Variants in XRCC5 observed in about 807,000 individuals in gnomAD.
The protein encoded by XRCC5 is X-ray repair cross complementing 5.
In XRCC5, 12 loss-of-function variants were observed where a neutral mutation model predicts 95.7. That is an observed-to-expected ratio of 0.13 (90% CI 0.08 to 0.20). The LOEUF (loss-of-function observed/expected upper bound fraction) is 0.20. Ranked by LOEUF, XRCC5 falls within the 10% of genes least tolerant of loss-of-function variation. The pLI is 1.00. For synonymous variants in XRCC5, 281 were observed against 290.3 expected (o/e 0.97, Z 0.33); for missense variants, 595 against 873.9 (o/e 0.68, Z 4.02).
chr2:216,123,792 C>T (rs960207103), intron 6 of XRCC5, among the ~76,000 whole-genome samples: 1 of 152,174 alleles, frequency 6.6e-6, no homozygotes, highest in East Asian at 1.9e-4. Context: ...GGTGACAGAG[C>T]GAGACTCCGT....
intron 17 of XRCC5, 111 bp from the exon 18 acceptor site, chr2:216,192,526 ATT>A (rs1317812297): frequency 1.7e-6 from 1 of 582,180 alleles, no homozygotes; most frequent in Admixed American, 3.9e-5. Flanking sequence ...AGAACATTTT[ATT>A]TTTTTGTAAT....
chr2:216,121,915 G>C, intron 5 of XRCC5, 147 bp from the exon 6 acceptor site: 1 of 680,280 alleles, frequency 1.5e-6, no homozygotes, highest in Non-Finnish European at 2.3e-6. Context: ...TTGAAACTGG[G>C]AGAATATTGG....
intron 6 of XRCC5, among the ~76,000 whole-genome samples, chr2:216,124,745 A>G (rs571167429): frequency 6.6e-6 from 1 of 152,336 alleles, no homozygotes; most frequent in Non-Finnish European, 1.5e-5. Context: ...TTTTATCTGT[A>G]CCAAGGAGTT....
At chr2:216,116,512 A>G in intron 2 of XRCC5, 147 bp from the exon 3 acceptor site, 1 of 786,806 alleles carries the variant, frequency 1.3e-6, no homozygotes. Flanking sequence ...ATTGTCTGTA[A>G]GTCTCATGTT....
intron 19 of XRCC5, among the ~76,000 whole-genome samples, chr2:216,196,151 G>A (rs891406082): frequency 5.9e-5 from 9 of 151,366 alleles, no homozygotes; most frequent in African/African-American, 2.2e-4. Context: ...CAGAAACCAT[G>A]TTTGGAAAAG....
At chr2:216,114,488 G>A (rs1696647235) in intron 2 of XRCC5, among the ~76,000 whole-genome samples, 1 of 152,076 alleles carries the variant, frequency 6.6e-6, no homozygotes. Context: ...GTTAGAGAAG[G>A]TAAGTAGACA....
At chr2:216,161,924 G>C in intron 15 of XRCC5, 55 bp from the exon 16 acceptor site, 2 of 1,470,776 alleles carry the variant, frequency 1.4e-6, no homozygotes, top group East Asian at 2.3e-5. Context: ...ATTGCCTGGG[G>C]TGCTGCTAAA....
intron 16 of XRCC5, among the ~76,000 whole-genome samples, chr2:216,176,680 T>A (rs1319971714): frequency 1.3e-5 from 2 of 152,166 alleles, no homozygotes; most frequent in Non-Finnish European, 2.9e-5. Context: ...GTTTTATTGA[T>A]TTTCTCCATT....
At chr2:216,146,911 A>G (rs1461758345) in intron 13 of XRCC5, among the ~76,000 whole-genome samples, 1 of 152,216 alleles carries the variant, frequency 6.6e-6, no homozygotes, top group Non-Finnish European at 1.5e-5. Flanking sequence ...ATTATGTGCC[A>G]GGTAGTATTT....
At chr2:216,168,277 A>G (rs867090197) in intron 16 of XRCC5, among the ~76,000 whole-genome samples, 35 of 152,332 alleles carry the variant, frequency 2.3e-4, no homozygotes, top group East Asian at 1.9e-4. Flanking sequence ...CAGAGAGCCA[A>G]TTCTTGGCCT....
chr2:216,133,547 C>G (rs931427908), intron 10 of XRCC5, among the ~76,000 whole-genome samples: 2 of 152,176 alleles, frequency 1.3e-5, no homozygotes, highest in African/African-American at 2.4e-5. Context: ...ATGAGACTTG[C>G]TGGGTATGCA....
At position 216,205,270 on chromosome 2, in the gene XRCC5, G is replaced by C; in HGVS notation, c.*68G>C. The stretch of plus-strand genomic sequence containing the variant: ...GATGCTGGGAGTTCTAACAAAACAA[G>C]TTGGATGCGGCCATTCAAGGGGAGC... On this transcript the variant is annotated 3_prime_UTR_variant, in exon 21 of 21. Coordinates refer to ENST00000392132, the MANE Select transcript of XRCC5 (RefSeq NM_021141.4). 1 of 1,606,626 alleles carries C rather than the reference G, an allele frequency of 6.2e-7. No homozygotes were observed. Among genetic ancestry groups the C allele is most frequent in the Non-Finnish European group, 8.5e-7 (1 of 1,173,382 alleles).
At chr2:216,156,227 G>T in intron 14 of XRCC5, 1 of 464,010 alleles carries the variant, frequency 2.2e-6, no homozygotes, top group Non-Finnish European at 4.1e-6. Context: ...GATTCGTTGA[G>T]GCCATAGGTT....
At chr2:216,149,115 C>A (rs1286702004) in intron 14 of XRCC5, among the ~76,000 whole-genome samples, 3 of 152,086 alleles carry the variant, frequency 2.0e-5, no homozygotes, top group Non-Finnish European at 4.4e-5. Context: ...CTCTCCACAA[C>A]TATCTTTATT....
chr2:216,123,400 C>A (rs1346306923), intron 6 of XRCC5, among the ~76,000 whole-genome samples: 1 of 152,172 alleles, frequency 6.6e-6, no homozygotes, highest in Non-Finnish European at 1.5e-5. Flanking sequence ...GGTGAAGTTT[C>A]TTGGCGTAAT....
intron 16 of XRCC5, among the ~76,000 whole-genome samples, chr2:216,173,770 G>A (rs1321030996): frequency 2.0e-5 from 3 of 152,322 alleles, no homozygotes; most frequent in South Asian, 4.1e-4. Context: ...TAAAAAGGAT[G>A]AGTTCGGCCT....
chr2:216,155,352 A>G (rs1221566460), intron 14 of XRCC5, among the ~76,000 whole-genome samples: 2 of 152,200 alleles, frequency 1.3e-5, no homozygotes, highest in East Asian at 3.8e-4. Flanking sequence ...AGATTATAAA[A>G]AAGCAAATCA....
chr2:216,118,938 C>G lies in XRCC5; in HGVS notation c.369-105C>G, dbSNP rs936719998. The G allele has an allele frequency of 3.3e-6, 4 of 1,207,340 alleles. No homozygotes were observed. The Admixed American group carries it at 6.0e-5, about 18-fold the overall frequency. The allele number at this position is 1,207,340 out of a possible 1,614,324, so 74.8% of individuals were successfully genotyped here. A position where few individuals can be genotyped will look rare whatever the true frequency, so the allele number is the denominator to read the frequency against. ...TAGAATGTAATCACATTTATTAACT[C>G]TAGATCCATTTCTAAGCTTCTCTCC... On this transcript the variant is annotated intron_variant, in intron 4 of 20. Coordinates refer to ENST00000392132, the MANE Select transcript of XRCC5 (RefSeq NM_021141.4).
chr2:216,198,550 T>C (rs1312607116), intron 19 of XRCC5, among the ~76,000 whole-genome samples: 1 of 120,688 alleles, frequency 8.3e-6, no homozygotes, highest in Non-Finnish European at 1.9e-5. Flanking sequence ...TATTTATTTA[T>C]TTATTTATTT....
Sources: allele counts gnomAD v4.1 joint callset (sites outside exome capture counted in the v4.1 genomes callset), GRCh38; gene constraint gnomAD v4.1.1; transcripts MANE v1.5; gene names NCBI Gene and HGNC (gene_info 2026-07-23, HGNC 2026-07-21).